Variants in MAOA observed in about 807,000 individuals in gnomAD.
MAOA encodes amine oxidase [flavin-containing] A.
MAOA carries 6 observed loss-of-function variants against 42.0 expected under a neutral mutation model. The ratio of observed to expected loss-of-function variants is 0.14; its 90% confidence interval spans 0.08 to 0.28. MAOA has a LOEUF of 0.28. MAOA is among the 10% of genes least tolerant of loss of function. The pLI, the probability that MAOA is intolerant of heterozygous loss-of-function variation, is 1.00. For missense variants in MAOA, 262 were observed against 422.3 expected, an observed-to-expected ratio of 0.62 and a Z score of 3.33; for synonymous variants, 140 against 154.0, an observed-to-expected ratio of 0.91 and a Z score of 0.67.
intron 2 of MAOA, among the ~76,000 whole-genome samples, chrX:43,691,121 G>A (rs906537124): frequency 2.7e-5 from 3 of 111,368 alleles, no homozygotes; most frequent in South Asian, 3.8e-4. Context: ...TGGGGCTCAC[G>A]CCTGTAATCC....
intron 3 of MAOA, among the ~76,000 whole-genome samples, chrX:43,694,120 A>G (rs2033559289): frequency 9.0e-6 from 1 of 111,554 alleles, no homozygotes; most frequent in Non-Finnish European, 1.9e-5. Flanking sequence ...GGAGTCTGGA[A>G]ACATGCCTTG....
intron 3 of MAOA, among the ~76,000 whole-genome samples, chrX:43,697,946 T>C (rs2033593981): frequency 8.9e-6 from 1 of 112,394 alleles, no homozygotes; most frequent in Non-Finnish European, 1.9e-5. Flanking sequence ...TCTCACTGTT[T>C]TTCTCCACTT....
intron 1 of MAOA, among the ~76,000 whole-genome samples, chrX:43,676,495 A>G (rs1274279752): frequency 9.0e-6 from 1 of 111,514 alleles, no homozygotes; most frequent in Non-Finnish European, 1.9e-5. Context: ...AGATGAACCC[A>G]GTACATCAGA....
intron 1 of MAOA, among the ~76,000 whole-genome samples, chrX:43,673,857 T>C (rs1467529434): frequency 6.2e-5 from 7 of 112,045 alleles, no homozygotes; most frequent in African/African-American, 2.3e-4. Context: ...AGGAGAGCTT[T>C]ACTTCCAACT....
intron 10 of MAOA, among the ~76,000 whole-genome samples, chrX:43,739,953 AAG>A (rs2033947749): frequency 8.9e-6 from 1 of 112,427 alleles, no homozygotes; most frequent in Non-Finnish European, 1.9e-5. Context: ...TCGTTTCAAA[AAG>A]AGTTTATATA....
chrX:43,662,485 G>A (rs2033242900), intron 1 of MAOA, among the ~76,000 whole-genome samples: 1 of 110,649 alleles, frequency 9.0e-6, no homozygotes, highest in Non-Finnish European at 1.9e-5. Context: ...CTCAGCTATT[G>A]TGAAAAATGT....
rs1057321445 is a variant in MAOA, at chrX:43,728,218, C to T, written c.549C>T (p.Thr183=). 1.7e-6 allele frequency: 2 copies of T among 1,209,881 alleles called. No individual in the cohort carries two copies. The highest frequency in any genetic ancestry group is 2.2e-6 in the Non-Finnish European group (2 of 894,000). The change falls in exon 6 of 15, where the codon ACC becomes ACT. Residue 183 remains threonine (T), a synonymous_variant. Coordinates refer to ENST00000338702, the MANE Select transcript of MAOA (RefSeq NM_000240.4). ...ATCTTTTTGTGAATATCAATGTGACCTCTGAGCCTCACGAAGTGTCTGCCC... is the reference window on the plus strand; with the variant it reads ...ATCTTTTTGTGAATATCAATGTGACTTCTGAGCCTCACGAAGTGTCTGCCC... ...FAYLFVNINV[T]SEPHEVSALW... is the part of the protein sequence containing the mutation.
chrX:43,661,567 G>C (rs968923414), intron 1 of MAOA, among the ~76,000 whole-genome samples: 1 of 110,508 alleles, frequency 9.0e-6, no homozygotes, highest in African/African-American at 3.3e-5. Flanking sequence ...AATGGTGAGA[G>C]TTCCAGGGAA....
intron 1 of MAOA, among the ~76,000 whole-genome samples, chrX:43,664,785 C>T (rs775290232): frequency 9.0e-6 from 1 of 111,329 alleles, no homozygotes; most frequent in East Asian, 2.8e-4. Flanking sequence ...GGGCATATTG[C>T]CTCAAAAATA....
Position 43,740,670 on chromosome X carries a change from C to G in MAOA, c.1107-11C>G, listed in dbSNP as rs1207275372. ...ACTTTATTTTTTTTTTTTTTTGGCT[C>G]TGTTTTATAGGAAGAAGAAAATCTG... is the stretch of plus-strand genomic sequence containing the variant. On this transcript the variant is annotated splice_polypyrimidine_tract_variant and intron_variant, in intron 10 of 14. Transcript: ENST00000338702. 2 of 1,118,769 alleles carry G rather than the reference C, an allele frequency of 1.8e-6. No individual in the cohort carries two copies. Among genetic ancestry groups the G allele is most frequent in the Non-Finnish European group, 2.4e-6 (2 of 844,316 alleles). 92.2% of individuals were successfully genotyped at this position (1,118,769 alleles called of 1,213,427 possible). A position where few individuals can be genotyped will look rare whatever the true frequency, so the allele number is the denominator to read the frequency against.
chrX:43,728,736 G>A (rs1341639379), intron 6 of MAOA, among the ~76,000 whole-genome samples: 1 of 112,637 alleles, frequency 8.9e-6, no homozygotes, highest in Non-Finnish European at 1.9e-5. Context: ...TGCTACAGAA[G>A]GGAAGTGACT....
Position 43,731,685 on chromosome X carries a change from G to A in MAOA, c.796-9G>A, listed in dbSNP as rs2033882536. 23 of 1,209,424 alleles carry A rather than the reference G, an allele frequency of 1.9e-5. No individual in the cohort carries two copies. The highest frequency in any genetic ancestry group is 2.5e-5 in the Non-Finnish European group (22 of 893,486). On this transcript the variant is annotated splice_polypyrimidine_tract_variant and intron_variant, in intron 7 of 14. Transcript: ENST00000338702. Reference sequence around the variant, plus strand: ...ATTTGAGGTAATATTTTGCTTGTGTGTGTTTTAGTGCAAATACGTAATTAA... The same window carrying A: ...ATTTGAGGTAATATTTTGCTTGTGTATGTTTTAGTGCAAATACGTAATTAA...
At chrX:43,693,619 G>T (rs1166256821) in intron 3 of MAOA, among the ~76,000 whole-genome samples, 191 bp downstream of exon 3, 2 of 110,312 alleles carry the variant, frequency 1.8e-5, no homozygotes, top group Admixed American at 1.9e-4. Context: ...AAGTCTCCTG[G>T]AATCACTGCA....
chrX:43,716,048 T>C (rs776518846), intron 5 of MAOA, among the ~76,000 whole-genome samples: 1 of 103,419 alleles, frequency 9.7e-6, no homozygotes, highest in Non-Finnish European at 2.0e-5. Flanking sequence ...ACCTGAAGGG[T>C]AAAGGTTGTG....
chrX:43,673,328 CT>C lies in MAOA; in HGVS notation c.74-10178del, dbSNP rs934051525. Among the ~76,000 whole-genome samples, 397 of 110,487 alleles carry C rather than the reference CT, an allele frequency of 3.6e-3. 2 individuals are homozygous for C. Among genetic ancestry groups the C allele is most frequent in the African/African-American group, 0.013 (383 of 30,442 alleles). On this transcript the variant is annotated intron_variant, in intron 1 of 14. Coordinates refer to ENST00000338702, the MANE Select transcript of MAOA (RefSeq NM_000240.4). ...TATTGCATCTATTTGATTCTTCTCT[CT>C]TTTTTTCTTTATTAGCCTTGCTAGC...
chrX:43,679,851 A>G (rs1471309720), intron 1 of MAOA, among the ~76,000 whole-genome samples: 2 of 112,340 alleles, frequency 1.8e-5, no homozygotes, highest in South Asian at 3.6e-4. Flanking sequence ...TCTCCCTTCT[A>G]GAACTTAACC....
At chrX:43,717,383 C>T (rs2033752698) in intron 5 of MAOA, among the ~76,000 whole-genome samples, 2 of 111,016 alleles carry the variant, frequency 1.8e-5, no homozygotes, top group African/African-American at 6.6e-5. Flanking sequence ...AAGATGATAT[C>T]ATTCAAGAAT....
At chrX:43,731,211 G>A in intron 6 of MAOA, 30 bp from the exon 7 acceptor site, 1 of 1,202,849 alleles carries the variant, frequency 8.3e-7, no homozygotes. Flanking sequence ...CTTTCATAAT[G>A]TTTCCTTTCT....
intron 6 of MAOA, among the ~76,000 whole-genome samples, chrX:43,729,967 G>T (rs2033867454): frequency 9.1e-6 from 1 of 110,493 alleles, no homozygotes; most frequent in East Asian, 2.8e-4. Context: ...GCCAAGGAGG[G>T]TGGATCACCT....
Sources: allele counts gnomAD v4.1 joint callset (sites outside exome capture counted in the v4.1 genomes callset), GRCh38; gene constraint gnomAD v4.1.1; transcripts MANE v1.5; gene names NCBI Gene and HGNC (gene_info 2026-07-23, HGNC 2026-07-21).